The following THAP12 variants were observed in gnomAD, a reference collection of about 807,000 sequenced individuals.
The protein encoded by THAP12 is THAP domain containing 12.
THAP12 carries 20 observed loss-of-function variants against 63.0 expected under a neutral mutation model. The observed-to-expected ratio is 0.32, with a 90% confidence interval of 0.22 to 0.46. THAP12 has a LOEUF of 0.46. THAP12 is among the 20% of genes least tolerant of loss of function. The probability of loss-of-function intolerance (pLI) is 1.00; values close to 1 mark genes in which losing one functional copy is unlikely to be tolerated. For synonymous variants in THAP12, 264 were observed against 328.4 expected (o/e 0.80, Z 2.12); for missense variants, 568 against 908.2 (o/e 0.63, Z 4.81).
In THAP12 at chr11:76,380,890, G is replaced by T. The variant is rs1036155548; in HGVS notation, c.-54C>A. 8.3e-6 allele frequency: 10 copies of T among 1,206,642 alleles called. No individual in the cohort carries two copies. Among genetic ancestry groups the T allele is most frequent in the Non-Finnish European group, 1.1e-5 (10 of 946,188 alleles). The allele number at this position is 1,206,642 out of a possible 1,614,324, so 74.7% of individuals were successfully genotyped here. ...CTCCCCTCCCCGCCTCCTCAGGGCA[G>T]TCCGCCCGCCCGTCGGGGCCGGGGA... On this transcript the variant is annotated 5_prime_UTR_variant, in exon 1 of 5. The change creates a new upstream start codon in the 5' untranslated region. Transcript: ENST00000260045.
chr11:76,370,246 T>C (rs1946661480), intron 1 of THAP12, among the ~76,000 whole-genome samples: 1 of 152,228 alleles, frequency 6.6e-6, no homozygotes, highest in South Asian at 2.1e-4. Flanking sequence ...AGAGGAAGTT[T>C]GGGACGCTAG....
chr11:76,359,678 T>C (rs1016860787), intron 3 of THAP12: 3 of 151,896 alleles, frequency 2.0e-5, no homozygotes, highest in Non-Finnish European at 2.9e-5. Context: ...AAATACAAAA[T>C]TAGTCAGGCG....
intron 3 of THAP12, 22 bp from the exon 4 acceptor site, chr11:76,355,676 G>GA (rs551272755): frequency 2.0e-4 from 305 of 1,552,378 alleles, no homozygotes; most frequent in Non-Finnish European, 2.6e-4. Flanking sequence ...GAAAAAAAAA[G>GA]AAAAAAACAA....
intron 1 of THAP12, among the ~76,000 whole-genome samples, chr11:76,375,323 TG>T (rs1237088711): frequency 6.6e-6 from 1 of 151,516 alleles, no homozygotes; most frequent in Non-Finnish European, 1.5e-5. Context: ...AGAGCTCCAC[TG>T]TGAGCTGCCT....
chr11:76,352,841 T>A (rs1288078277), intron 4 of THAP12, 47 bp from the exon 5 acceptor site: 2 of 1,494,126 alleles, frequency 1.3e-6, no homozygotes, highest in Non-Finnish European at 8.9e-7. Context: ...TGAAAAACCA[T>A]ACACAACAAA....
intron 1 of THAP12, among the ~76,000 whole-genome samples, chr11:76,377,978 C>A (rs909154439): frequency 6.6e-6 from 1 of 152,160 alleles, no homozygotes; most frequent in Non-Finnish European, 1.5e-5. Context: ...GGATACTGGA[C>A]CCAGATCAAA....
intron 4 of THAP12, among the ~76,000 whole-genome samples, chr11:76,355,073 A>C (rs1286056495): frequency 6.6e-6 from 1 of 152,248 alleles, no homozygotes; most frequent in African/African-American, 2.4e-5. Flanking sequence ...TAATAACAGC[A>C]ATAGGAGGAA....
intron 3 of THAP12, 112 bp downstream of exon 3, chr11:76,360,844 C>T (rs1296819533): frequency 8.3e-6 from 6 of 721,236 alleles, no homozygotes; most frequent in South Asian, 1.8e-5. Flanking sequence ...TTTCCCGTTA[C>T]ATTACCTCTG....
rs1360936565 is a variant in THAP12 at position 76,361,735 on chromosome 11, C to T, written c.211-672G>A. Among the ~76,000 whole-genome samples, 30 of 152,218 alleles carry T rather than the reference C, an allele frequency of 2.0e-4. 1 individual carries two copies. ...TTATATTACCATCTGTATTTTTACACAATCTACTCATTTTTTAGTTAACAC... is the reference window on the plus strand; with the variant it reads ...TTATATTACCATCTGTATTTTTACATAATCTACTCATTTTTTAGTTAACAC... On this transcript the variant is annotated intron_variant, in intron 2 of 4. Coordinates refer to ENST00000260045, the MANE Select transcript of THAP12 (RefSeq NM_004705.4).
intron 3 of THAP12, chr11:76,358,109 T>C (rs1946573188): frequency 6.6e-6 from 1 of 151,180 alleles, no homozygotes; most frequent in Non-Finnish European, 1.5e-5. Context: ...CTTTCCCTCA[T>C]CCACCGCAAG....
intron 1 of THAP12, among the ~76,000 whole-genome samples, chr11:76,376,618 T>G (rs1197892940): frequency 7.1e-6 from 1 of 141,086 alleles, no homozygotes; most frequent in African/African-American, 2.7e-5. Flanking sequence ...TGTCTATGTT[T>G]TTTTTGTTTT....
At chr11:76,379,194 C>G (rs1490401308) in intron 1 of THAP12, among the ~76,000 whole-genome samples, 2 of 152,122 alleles carry the variant, frequency 1.3e-5, no homozygotes, top group Non-Finnish European at 2.9e-5. Context: ...ACCTCCAAAC[C>G]ATTAGCAAAT....
chr11:76,350,918 A>G lies in THAP12; in HGVS notation c.2232T>C (p.Tyr744=). ...DLMVDTYIKL[Y]TSKSELPTDN... The stretch of plus-strand genomic sequence containing the variant: ...CTGTAGGAAGCTCTGACTTACTTGT[A>G]TAGAGTTTAATATATGTGTCCACCA... The change falls in exon 5 of 5, where the codon TAT becomes TAC. Residue 744 remains tyrosine, a synonymous_variant. Coordinates refer to ENST00000260045, the MANE Select transcript of THAP12 (RefSeq NM_004705.4). 2 of 1,592,250 alleles carry G rather than the reference A, an allele frequency of 1.3e-6. No individual in the cohort carries two copies. Among genetic ancestry groups the G allele is most frequent in the East Asian group, 4.5e-5 (2 of 44,710 alleles).
At position 76,351,973 on chromosome 11, in the gene THAP12, G is replaced by A; in HGVS notation, c.1177C>T (p.Arg393Ter). The A allele has an allele frequency of 6.2e-7, 1 of 1,604,802 alleles. No homozygotes were observed. The highest frequency in any genetic ancestry group is 8.5e-7 in the Non-Finnish European group (1 of 1,177,448). Residue 393 changes from arginine (R) to a stop codon, truncating the protein, a stop_gained, in exon 5 of 5, where the codon CGA (arginine) becomes TGA (stop). Coordinates refer to ENST00000260045, the MANE Select transcript of THAP12 (RefSeq NM_004705.4). LOFTEE classifies it high-confidence loss of function. ...TIEEVCSFFH[R>*]SPQLLLELDN... ...AGTTCTAAAAGCAGTTGTGGTGATC[G>A]ATGGAAAAAAGAACAAACTTCCTCA...
intron 3 of THAP12, among the ~76,000 whole-genome samples, chr11:76,359,901 C>G (rs1411781227): frequency 6.6e-6 from 1 of 151,834 alleles, no homozygotes; most frequent in Non-Finnish European, 1.5e-5. Context: ...AAACAATCAC[C>G]TTATTTGAAA....
intron 4 of THAP12, among the ~76,000 whole-genome samples, chr11:76,353,693 C>G (rs1405079628): frequency 6.6e-6 from 1 of 152,190 alleles, no homozygotes; most frequent in Non-Finnish European, 1.5e-5. Flanking sequence ...TGAGGAGGCA[C>G]AGTTAAAACC....
At chr11:76,370,613 T>C (rs1946666524) in intron 1 of THAP12, among the ~76,000 whole-genome samples, 1 of 152,088 alleles carries the variant, frequency 6.6e-6, no homozygotes, top group African/African-American at 2.4e-5. Context: ...TCGTCCTGCC[T>C]CGGCCTCCCA....
rs1946527171 is a variant in THAP12, at chr11:76,351,568, T to C, written c.1582A>G (p.Ile528Val). 1 of 1,582,956 alleles carries C rather than the reference T, an allele frequency of 6.3e-7. No homozygotes were observed. Among genetic ancestry groups the C allele is most frequent in the South Asian group, 1.1e-5 (1 of 87,632 alleles). Reference protein sequence around the residue: ...LHSLNEVMENIEVYHEFWFEE... With the variant: ...LHSLNEVMENVEVYHEFWFEE... The stretch of plus-strand genomic sequence containing the variant: ...AACCAAAATTCATGATAAACTTCAA[T>C]ATTTTCCATCACTTCGTTGAGTGAA... The change falls in exon 5 of 5, where the codon ATT becomes GTT. Residue 528 changes from isoleucine to valine, a missense_variant. Coordinates refer to ENST00000260045, the MANE Select transcript of THAP12 (RefSeq NM_004705.4).
chr11:76,360,412 A>C (rs932697266), intron 3 of THAP12, among the ~76,000 whole-genome samples: 2 of 152,222 alleles, frequency 1.3e-5, no homozygotes, highest in African/African-American at 4.8e-5. Context: ...TGTTCACCTA[A>C]GGTCAACAAA....
Sources: allele counts gnomAD v4.1 joint callset (sites outside exome capture counted in the v4.1 genomes callset), GRCh38; gene constraint gnomAD v4.1.1; transcripts MANE v1.5; gene names NCBI Gene and HGNC (gene_info 2026-07-23, HGNC 2026-07-21).